The following MAGI2 variants were observed in gnomAD, a reference collection of about 807,000 sequenced individuals.
MAGI2 encodes the protein membrane-associated guanylate kinase, WW and PDZ domain-containing protein 2.
A neutral mutation model predicts 133.3 loss-of-function variants in MAGI2; 35 were observed. The observed-to-expected ratio is 0.26, with a 90% CI of 0.20 to 0.35. The LOEUF (loss-of-function observed/expected upper bound fraction) is 0.35. Ranked by LOEUF, MAGI2 falls within the 10% of genes least tolerant of loss-of-function variation. MAGI2 has a pLI of 1.00. For synonymous variants in MAGI2, 729 were observed against 710.6 expected (o/e 1.03, Z -0.41); for missense variants, 1,636 against 1,863.4 (o/e 0.88, Z 2.25).
At chr7:78,707,526 T>A (rs1300801438) in intron 2 of MAGI2, among the ~76,000 whole-genome samples, 1 of 152,120 alleles carries the variant, frequency 6.6e-6, no homozygotes, top group African/African-American at 2.4e-5. Flanking sequence ...TAGGCACTGA[T>A]TCCCAAATAA....
chr7:78,835,935 T>C (rs146919796), intron 2 of MAGI2, among the ~76,000 whole-genome samples: 15 of 152,342 alleles, frequency 9.8e-5, no homozygotes, highest in African/African-American at 2.9e-4. Flanking sequence ...TACTGTATAA[T>C]AGACTTCCTT....
chr7:78,029,592 G>A (rs991077306), intron 21 of MAGI2, among the ~76,000 whole-genome samples: 1 of 152,334 alleles, frequency 6.6e-6, no homozygotes. Flanking sequence ...AGTCCCAACC[G>A]CAGAGGCCCT....
At chr7:78,738,388 T>C (rs902506389) in intron 2 of MAGI2, among the ~76,000 whole-genome samples, 2 of 152,184 alleles carry the variant, frequency 1.3e-5, no homozygotes, top group Admixed American at 6.5e-5. Flanking sequence ...ATTTTATTTC[T>C]ACAGATATAA....
intron 4 of MAGI2, among the ~76,000 whole-genome samples, chr7:78,503,595 C>CTCCTCCTCCTCCCCG (rs1794832860): frequency 9.8e-6 from 1 of 102,088 alleles, no homozygotes; most frequent in Admixed American, 9.9e-5. Flanking sequence ...CCTCCTCCCC[C>CTCCTCCTCCTCCCCG]TCCTCCTTCT....
chr7:79,019,163 G>GA (rs753963604), intron 1 of MAGI2, among the ~76,000 whole-genome samples: 16 of 152,120 alleles, frequency 1.1e-4, no homozygotes, highest in Non-Finnish European at 2.1e-4. Context: ...CTCAGCAAAT[G>GA]AAAAAACCCA....
chr7:78,227,883 T>TGTGTGTGTGTGTGTGTG (rs1563292086), intron 10 of MAGI2, among the ~76,000 whole-genome samples: 35 of 149,306 alleles, frequency 2.3e-4, no homozygotes, highest in Middle Eastern at 3.4e-3. Context: ...TGTGTGTGTG[T>TGTGTGTGTGTGTGTGTG]TTTAAACCCT....
At chr7:78,573,035 G>GTGTATATATATA (rs1269123284) in intron 3 of MAGI2, among the ~76,000 whole-genome samples, 1 of 31,680 alleles carries the variant, frequency 3.2e-5, no homozygotes, top group Non-Finnish European at 5.3e-5. Context: ...GCATATGTAT[G>GTGTATATATATA]TATATATATA....
chr7:78,546,143 T>G (rs930413294), intron 3 of MAGI2, among the ~76,000 whole-genome samples: 5 of 152,250 alleles, frequency 3.3e-5, no homozygotes, highest in Non-Finnish European at 7.3e-5. Flanking sequence ...CATATTTTAA[T>G]AATTTTTGGC....
chr7:78,594,456 A>AT (rs1375174268), intron 3 of MAGI2, among the ~76,000 whole-genome samples: 9 of 151,534 alleles, frequency 5.9e-5, no homozygotes, highest in Middle Eastern at 3.4e-3. Context: ...AAGGAATTCT[A>AT]TTTTTTTTGT....
At chr7:79,227,688 A>G (rs1310803139) in intron 1 of MAGI2, among the ~76,000 whole-genome samples, 1 of 152,198 alleles carries the variant, frequency 6.6e-6, no homozygotes, top group African/African-American at 2.4e-5. Flanking sequence ...AATCTGAACT[A>G]CAACTCTCAA....
intron 15 of MAGI2, among the ~76,000 whole-genome samples, chr7:78,164,040 G>T (rs934957855): frequency 1.3e-5 from 2 of 152,098 alleles, no homozygotes; most frequent in Non-Finnish European, 2.9e-5. Context: ...CTTCAACTGG[G>T]TATGGGGTTT....
intron 9 of MAGI2, among the ~76,000 whole-genome samples, chr7:78,284,696 C>A (rs1562751774): frequency 6.6e-6 from 1 of 152,034 alleles, no homozygotes; most frequent in Non-Finnish European, 1.5e-5. Flanking sequence ...TCTAATTTGA[C>A]TCCAGGTGTG....
At chr7:78,148,602 A>G (rs1247119446) in intron 16 of MAGI2, among the ~76,000 whole-genome samples, 1 of 152,182 alleles carries the variant, frequency 6.6e-6, no homozygotes, top group Non-Finnish European at 1.5e-5. Flanking sequence ...TGAGCAGGGG[A>G]AAGTGTAAGG....
At chr7:78,825,267 TA>T (rs1287382796) in intron 2 of MAGI2, among the ~76,000 whole-genome samples, 1 of 151,990 alleles carries the variant, frequency 6.6e-6, no homozygotes, top group Non-Finnish European at 1.5e-5. Flanking sequence ...AAGAAATAAA[TA>T]AATACAAGAA....
intron 1 of MAGI2, among the ~76,000 whole-genome samples, chr7:79,446,425 A>G (rs1467267138): frequency 6.6e-6 from 1 of 152,182 alleles, no homozygotes; most frequent in Non-Finnish European, 1.5e-5. Flanking sequence ...TGATATATCC[A>G]AAGTATAGCA....
chr7:79,180,406 A>G lies in MAGI2; in HGVS notation c.302-173200T>C, dbSNP rs553468876. ...CAATCATGGCCGAAGGCAAGGAGGA[A>G]CAGGTCACATCTTATGTGGATGGCA... On this transcript the variant is annotated intron_variant, in intron 1 of 21. Coordinates refer to ENST00000354212, the MANE Select transcript of MAGI2 (RefSeq NM_012301.4). 3.2e-4 allele frequency among the ~76,000 whole-genome samples: 48 copies of G among 152,168 alleles called. 1 individual carries two copies. Among genetic ancestry groups the G allele is most frequent in the African/African-American group, 1.1e-3 (46 of 41,464 alleles).
At chr7:79,281,428 A>G (rs1263632892) in intron 1 of MAGI2, among the ~76,000 whole-genome samples, 2 of 152,126 alleles carry the variant, frequency 1.3e-5, no homozygotes, top group African/African-American at 4.8e-5. Flanking sequence ...CAACTTTATG[A>G]TGCTTTTATA....
intron 1 of MAGI2, among the ~76,000 whole-genome samples, chr7:79,028,293 G>GTA (rs1349726076): frequency 6.3e-4 from 10 of 15,774 alleles, no homozygotes; most frequent in African/African-American, 2.0e-3. Context: ...ATATATATAT[G>GTA]TGTGTATATA....
intron 6 of MAGI2, among the ~76,000 whole-genome samples, chr7:78,426,530 G>A (rs947050874): frequency 5.3e-5 from 8 of 151,798 alleles, no homozygotes; most frequent in African/African-American, 9.7e-5. Flanking sequence ...TGGGTGCAGC[G>A]CACCAGCATG....
Sources: gnomAD v4.1 joint callset for allele counts (sites outside exome capture counted in the v4.1 genomes callset) on GRCh38, gnomAD v4.1.1 for gene constraint, MANE v1.5 for transcripts, NCBI Gene and HGNC (gene_info 2026-07-23, HGNC 2026-07-21) for gene names.